The following CACNA1G variants were observed in gnomAD, a reference collection of about 807,000 sequenced individuals.
CACNA1G encodes the protein calcium voltage-gated channel subunit alpha1 G, also known as voltage-dependent T-type calcium channel subunit alpha-1G.
CACNA1G carries 67 observed loss-of-function variants against 219.4 expected under a neutral mutation model. The ratio of observed to expected loss-of-function variants is 0.31; its 90% CI spans 0.25 to 0.37. The LOEUF (loss-of-function observed/expected upper bound fraction) is 0.37, where lower values mean the gene tolerates loss of function less well. Ranked by LOEUF, CACNA1G falls within the 10% of genes least tolerant of loss-of-function variation. The pLI is 1.00. For synonymous variants in CACNA1G, 1,296 were observed against 1,345.3 expected (o/e 0.96, Z 0.80); for missense variants, 2,380 against 3,231.4 (o/e 0.74, Z 6.39).
At chr17:50,577,883 G>A (rs2144971098) in intron 8 of CACNA1G, among the ~76,000 whole-genome samples, 1 of 152,220 alleles carries the variant, frequency 6.6e-6, no homozygotes, top group South Asian at 2.1e-4. Context: ...AGGGGAGCGA[G>A]GCTCCTTGCT....
intron 9 of CACNA1G, among the ~76,000 whole-genome samples, chr17:50,587,659 C>T (rs1377191980): frequency 6.6e-6 from 1 of 152,244 alleles, no homozygotes; most frequent in Non-Finnish European, 1.5e-5. Flanking sequence ...GAGAGCAAGG[C>T]AGGGCCGAGG....
At chr17:50,615,224 G>A (rs930781828) in intron 26 of CACNA1G, 137 bp from the exon 27 acceptor site, 41 of 853,482 alleles carry the variant, frequency 4.8e-5, no homozygotes, top group Non-Finnish European at 6.9e-5. Flanking sequence ...GGGCAGCGTG[G>A]GGAGGGCGAG....
chr17:50,562,085 G>T (rs2035922397), intron 1 of CACNA1G: 1 of 150,094 alleles, frequency 6.7e-6, no homozygotes, highest in African/African-American at 2.5e-5. Flanking sequence ...TACTCTGCCC[G>T]CGCCGGTTAG....
Position 50,591,763 on chromosome 17 carries a change from C to T in CACNA1G, c.2664C>T (p.Gly888=), listed in dbSNP as rs770544340. 100 of 1,613,842 alleles carry T rather than the reference C, an allele frequency of 6.2e-5. No individual in the cohort carries two copies. Among genetic ancestry groups the T allele is most frequent in the Middle Eastern group, 4.9e-4 (3 of 6,084 alleles). The change falls in exon 12 of 38, where the codon GGC becomes GGT. Residue 888 remains glycine (G), a synonymous_variant. Transcript: ENST00000359106. ...GCATCCTGGGCATGCATCTCTTCGG[C>T]TGCAAGTTTGCCTCTGAGCGGGATG... is the stretch of plus-strand genomic sequence containing the variant. The part of the protein sequence containing the change: ...IFSILGMHLF[G]CKFASERDGD...
Position 50,618,859 on chromosome 17 carries a change from C to T in CACNA1G, c.5632C>T (p.Leu1878Phe). Residue 1878 changes from leucine (L) to phenylalanine (F), a missense_variant, in exon 33 of 38, where the codon CTC (leucine) becomes TTC (phenylalanine). Physicochemically the swap from Leu to Phe is conservative, Grantham distance 22 (BLOSUM62 0). Coordinates refer to ENST00000359106, the MANE Select transcript of CACNA1G (RefSeq NM_018896.5). The surrounding 1 kb of genome is among the most constrained non-coding windows in gnomAD (Gnocchi z 5.3). ...EAELELEMKT[L>F]SPQPHSPLGS... is the part of the protein sequence containing the mutation. ...TGAGCTGGAGCTGGAGATGAAGACC[C>T]TCAGCCCCCAGCCCCACTCGCCACT... 2 of 1,613,312 alleles carry T rather than the reference C, an allele frequency of 1.2e-6. No homozygotes were observed. The highest frequency in any genetic ancestry group is 1.7e-6 in the Non-Finnish European group (2 of 1,179,816).
At chr17:50,616,456 C>T (rs540954753) in intron 28 of CACNA1G, 72 bp downstream of exon 28, 2 of 916,000 alleles carry the variant, frequency 2.2e-6, no homozygotes, top group East Asian at 2.4e-5. Flanking sequence ...GGGAAATACC[C>T]AGGAAGACCT....
intron 22 of CACNA1G, among the ~76,000 whole-genome samples, chr17:50,605,580 G>C (rs1267024164): frequency 1.3e-5 from 2 of 152,222 alleles, no homozygotes; most frequent in Non-Finnish European, 2.9e-5. Flanking sequence ...TGTGTTTCTA[G>C]CATGTTCCCA....
rs1182926440 is a variant in CACNA1G, at chr17:50,617,892, G to A, written c.5189G>A (p.Arg1730Gln). ...CTGCTGAAGATGGCTGTGGGCATGC[G>A]GGCGCTGCTGGACACGGTGATGCAG... is the stretch of plus-strand genomic sequence containing the variant. ...LKLLKMAVGM[R>Q]ALLDTVMQAL... The change falls in exon 30 of 38, where the codon CGG becomes CAG. Residue 1730 changes from arginine to glutamine, a missense_variant. By Grantham distance (43) the Arg-to-Gln change is conservative. Coordinates refer to ENST00000359106, the MANE Select transcript of CACNA1G (RefSeq NM_018896.5). This position sits in a 1 kb window ranked among gnomAD's most constrained non-coding sequence, Gnocchi z 5.8. The A allele has an allele frequency of 6.2e-7, 1 of 1,613,626 alleles. No homozygotes were observed. The highest frequency in any genetic ancestry group is 1.1e-5 in the South Asian group (1 of 91,070).
In CACNA1G at chr17:50,567,587, G is replaced by T. The variant is rs183503196; in HGVS notation, c.243-1283G>T. Among the ~76,000 whole-genome samples, 448 of 152,202 alleles carry T rather than the reference G, an allele frequency of 2.9e-3. 4 individuals carry two copies. The highest frequency in any genetic ancestry group is 2.3e-3 in the Non-Finnish European group (154 of 67,998). On this transcript the variant is annotated intron_variant, in intron 1 of 37. Transcript: ENST00000359106. ...ACCTGCTCTGGGCCCTACAGAGTCTGGCTTGGTGGGTCATGCCAGGAGCTG... is the reference window on the plus strand; with the variant it reads ...ACCTGCTCTGGGCCCTACAGAGTCTTGCTTGGTGGGTCATGCCAGGAGCTG...
intron 34 of CACNA1G, among the ~76,000 whole-genome samples, chr17:50,620,309 C>T (rs1314619582): frequency 2.6e-5 from 4 of 152,122 alleles, no homozygotes; most frequent in African/African-American, 9.7e-5. Flanking sequence ...CTTTTTAAGC[C>T]ATGGAGCCCA....
chr17:50,561,304 G>T lies in CACNA1G; in HGVS notation c.-156G>T. 1 of 829,320 alleles carries T rather than the reference G, an allele frequency of 1.2e-6. No homozygotes were observed. Among genetic ancestry groups the T allele is most frequent in the Non-Finnish European group, 1.8e-6 (1 of 549,770 alleles). 51.4% of individuals were successfully genotyped at this position (829,320 alleles called of 1,614,324 possible). On this transcript the variant is annotated 5_prime_UTR_variant, in exon 1 of 38. Transcript: ENST00000359106. ...GGCAGCATGCCCCTGCGGGCAGGGGGAGCTGGGCTGAACTGGCCCTCCCGG... is the reference window on the plus strand; with the variant it reads ...GGCAGCATGCCCCTGCGGGCAGGGGTAGCTGGGCTGAACTGGCCCTCCCGG...
chr17:50,595,060 G>T lies in CACNA1G; in HGVS notation c.2978G>T (p.Gly993Val). Reference protein sequence around the residue: ...SCIQLPVDSQGGDANKSESEP... With the variant: ...SCIQLPVDSQVGDANKSESEP... ...ATTCAGCTGCCTGTCGACTCCCAGG[G>T]GGTAGGTACGCGATCATGAGCCGGC... Residue 993 changes from glycine to valine, a missense_variant and splice_region_variant, in exon 14 of 38, where the codon GGG (glycine) becomes GTG (valine). Gly to Val is a moderately radical substitution (Grantham distance 109). Transcript: ENST00000359106. The T allele has an allele frequency of 6.4e-7, 1 of 1,552,676 alleles. No individual in the cohort carries two copies. Among genetic ancestry groups the T allele is most frequent in the Non-Finnish European group, 8.7e-7 (1 of 1,147,632 alleles).
intron 9 of CACNA1G, among the ~76,000 whole-genome samples, chr17:50,583,007 G>A (rs969904942): frequency 2.0e-5 from 3 of 152,164 alleles, no homozygotes; most frequent in Non-Finnish European, 2.9e-5. Flanking sequence ...TGGGGCAGGA[G>A]GAGGTGGTCC....
At chr17:50,570,604 C>T (rs890719009) in intron 4 of CACNA1G, among the ~76,000 whole-genome samples, 1 of 55,664 alleles carries the variant, frequency 1.8e-5, no homozygotes, top group Non-Finnish European at 3.7e-5. Flanking sequence ...TGCTGCTGCC[C>T]CTGGGAGGGC....
chr17:50,563,022 T>A (rs968131253), intron 1 of CACNA1G, among the ~76,000 whole-genome samples: 2 of 152,172 alleles, frequency 1.3e-5, no homozygotes, highest in African/African-American at 2.4e-5. Context: ...GAGGTTCTTA[T>A]AGACCCAGGG....
rs539066133 is a variant in CACNA1G, at chr17:50,593,440, C to A, written c.2910+1348C>A. ...CCCCTCCCCTCCTCTGCCACTCAGC[C>A]GCCAAGGCAGTCTGGAGGTGCCCAG... On this transcript the variant is annotated intron_variant, in intron 13 of 37. Coordinates refer to ENST00000359106, the MANE Select transcript of CACNA1G (RefSeq NM_018896.5). Among the ~76,000 whole-genome samples, 18 of 152,370 alleles carry A rather than the reference C, an allele frequency of 1.2e-4. No homozygotes were observed. In the South Asian group the frequency reaches 3.7e-3, roughly 32 times the overall value.
rs2038795477 is a variant in CACNA1G, at chr17:50,569,251, C to T, written c.441C>T (p.Tyr147=). The change falls in exon 3 of 38, where the codon TAC becomes TAT. Residue 147 remains tyrosine (Y), a synonymous_variant. Transcript: ENST00000359106. Reference sequence around the variant, plus strand: ...TGGGCATCTTTGGGAAAAAGTGTTACCTGGGAGACACTTGGAACCGGCTTG... The same window carrying T: ...TGGGCATCTTTGGGAAAAAGTGTTATCTGGGAGACACTTGGAACCGGCTTG... The part of the protein sequence containing the change: ...VALGIFGKKC[Y]LGDTWNRLDF... 1 of 1,613,742 alleles carries T rather than the reference C, an allele frequency of 6.2e-7. No individual in the cohort carries two copies. Among genetic ancestry groups the T allele is most frequent in the South Asian group, 1.1e-5 (1 of 91,074 alleles).
chr17:50,609,763 C>G (rs2048787283), intron 25 of CACNA1G, 119 bp from the exon 26 acceptor site: 6 of 814,044 alleles, frequency 7.4e-6, no homozygotes, highest in Non-Finnish European at 1.2e-5. Context: ...ACCCAATGGG[C>G]TCAGCGCACC....
At chr17:50,612,237 C>G (rs377354933) in intron 26 of CACNA1G, among the ~76,000 whole-genome samples, 76 of 152,364 alleles carry the variant, frequency 5.0e-4, no homozygotes, top group African/African-American at 1.6e-3. Context: ...GAATCAAACA[C>G]GTGCACCGCA....
Sources: gnomAD v4.1 joint callset for allele counts (sites outside exome capture counted in the v4.1 genomes callset) on GRCh38, gnomAD v4.1.1 for gene constraint, Gnocchi (gnomAD v3.1) non-coding constraint, MANE v1.5 for transcripts, NCBI Gene and HGNC (gene_info 2026-07-23, HGNC 2026-07-21) for gene names.